The following ZNF277 variants were observed in gnomAD, a reference collection of about 807,000 sequenced individuals.
ZNF277 encodes the protein nuclear receptor-interacting factor 4.
Under a neutral mutation model 60.7 loss-of-function variants are expected in ZNF277, and 55 were observed. That is an observed-to-expected ratio of 0.91 (90% CI 0.73 to 1.13). The LOEUF (loss-of-function observed/expected upper bound fraction) is 1.13, where lower values mean the gene tolerates loss of function less well. Ranked by LOEUF, ZNF277 falls within the 50% of genes most tolerant of loss-of-function variation. ZNF277 has a pLI of 0.00. For synonymous variants in ZNF277, 178 were observed against 179.3 expected (o/e 0.99, Z 0.06); for missense variants, 510 against 523.0 (o/e 0.98, Z 0.24).
intron 4 of ZNF277, among the ~76,000 whole-genome samples, chr7:112,299,693 GA>G (rs1442504607): frequency 1.3e-5 from 2 of 152,154 alleles, no homozygotes. Context: ...ACTGCTTAAT[GA>G]TAATGGATGT....
chr7:112,268,841 T>C (rs1338961836), intron 1 of ZNF277, among the ~76,000 whole-genome samples: 1 of 152,174 alleles, frequency 6.6e-6, no homozygotes, highest in African/African-American at 2.4e-5. Context: ...TTTGGTTTCA[T>C]TGATTGCCAC....
chr7:112,264,327 C>T (rs144589915), intron 1 of ZNF277, among the ~76,000 whole-genome samples: 1 of 152,252 alleles, frequency 6.6e-6, no homozygotes, highest in East Asian at 1.9e-4. Context: ...AAGTAAACCA[C>T]ATTAAAATGT....
chr7:112,257,092 C>T (rs1024732063), intron 1 of ZNF277, among the ~76,000 whole-genome samples: 3 of 152,160 alleles, frequency 2.0e-5, no homozygotes, highest in Non-Finnish European at 4.4e-5. Flanking sequence ...AATGGGATTA[C>T]ACACTTCACT....
rs1002886566 is a variant in ZNF277 at position 112,207,228 on chromosome 7, C to T, written c.91+421C>T. Among the ~76,000 whole-genome samples the T allele has an allele frequency of 5.3e-5, 8 of 152,306 alleles. No individual in the cohort carries two copies. In the East Asian group the frequency reaches 1.4e-3, roughly 26 times the overall value. On this transcript the variant is annotated intron_variant, in intron 1 of 11. Coordinates refer to ENST00000361822, the MANE Select transcript of ZNF277 (RefSeq NM_021994.3). Reference sequence around the variant, plus strand: ...TGCCTTGGTTTGCTTGGTTTGACCTCGCAGGTGTGTTTTATTTAGCTTCCG... The same window carrying T: ...TGCCTTGGTTTGCTTGGTTTGACCTTGCAGGTGTGTTTTATTTAGCTTCCG...
chr7:112,208,874 G>T (rs930816208), intron 1 of ZNF277, among the ~76,000 whole-genome samples: 1 of 151,766 alleles, frequency 6.6e-6, no homozygotes, highest in African/African-American at 2.4e-5. Flanking sequence ...TAGAGACGGG[G>T]TTTCACCGTG....
At chr7:112,217,581 A>G (rs1355087569) in intron 1 of ZNF277, among the ~76,000 whole-genome samples, 1 of 152,190 alleles carries the variant, frequency 6.6e-6, no homozygotes, top group Non-Finnish European at 1.5e-5. Flanking sequence ...TCATTCCTGG[A>G]TATGGGCTGA....
chr7:112,275,303 A>G (rs955917517), intron 1 of ZNF277, among the ~76,000 whole-genome samples: 9 of 152,206 alleles, frequency 5.9e-5, no homozygotes, highest in Non-Finnish European at 7.3e-5. Context: ...GGCCCTATCA[A>G]AGTAAGAACT....
intron 1 of ZNF277, among the ~76,000 whole-genome samples, chr7:112,285,846 G>A (rs1195261451): frequency 6.6e-6 from 1 of 152,102 alleles, no homozygotes; most frequent in Admixed American, 6.5e-5. Context: ...AACTTTAACG[G>A]GAGAACTAAT....
chr7:112,274,760 C>G lies in ZNF277; in HGVS notation c.92-12113C>G, dbSNP rs934685806. Among the ~76,000 whole-genome samples the G allele has an allele frequency of 1.2e-4, 18 of 152,138 alleles. 1 individual carries two copies. In the South Asian group the frequency reaches 3.5e-3, roughly 30 times the overall value. Reference sequence around the variant, plus strand: ...AGACTACTATTTCCAAAGTAATACTCTGTCATATCAAATGAATTAAATTAG... The same window carrying G: ...AGACTACTATTTCCAAAGTAATACTGTGTCATATCAAATGAATTAAATTAG... On this transcript the variant is annotated intron_variant, in intron 1 of 11. Transcript: ENST00000361822.
chr7:112,237,225 G>C (rs528835655), intron 1 of ZNF277, among the ~76,000 whole-genome samples: 1 of 152,184 alleles, frequency 6.6e-6, no homozygotes, highest in Non-Finnish European at 1.5e-5. Context: ...CAGAGCAAAA[G>C]CAGCGCTAAG....
At chr7:112,281,838 A>AT (rs1212266449) in intron 1 of ZNF277, among the ~76,000 whole-genome samples, 3 of 151,770 alleles carry the variant, frequency 2.0e-5, no homozygotes, top group Non-Finnish European at 4.4e-5. Flanking sequence ...ATTTTTATTT[A>AT]TTTTTTTCTT....
At chr7:112,248,395 A>G (rs1791131071) in intron 1 of ZNF277, among the ~76,000 whole-genome samples, 1 of 151,844 alleles carries the variant, frequency 6.6e-6, no homozygotes, top group Admixed American at 6.6e-5. Flanking sequence ...AGGAAGCTCA[A>G]TTAAGGGTCA....
At chr7:112,236,055 G>T (rs2116985339) in intron 1 of ZNF277, among the ~76,000 whole-genome samples, 1 of 152,114 alleles carries the variant, frequency 6.6e-6, no homozygotes, top group South Asian at 2.1e-4. Context: ...TATATGTGGG[G>T]TTTACATCTG....
intron 5 of ZNF277, among the ~76,000 whole-genome samples, chr7:112,320,573 A>G (rs1792954436): frequency 6.6e-6 from 1 of 152,112 alleles, no homozygotes; most frequent in Non-Finnish European, 1.5e-5. Flanking sequence ...ACAGACAAGG[A>G]TAGAGTAATG....
At chr7:112,307,653 G>A (rs952210434) in intron 4 of ZNF277, among the ~76,000 whole-genome samples, 1 of 151,688 alleles carries the variant, frequency 6.6e-6, no homozygotes, top group Non-Finnish European at 1.5e-5. Context: ...GACCTCAAGT[G>A]ATCCACCCGC....
At chr7:112,322,537 T>C (rs1016398865) in intron 5 of ZNF277, among the ~76,000 whole-genome samples, 11 of 152,152 alleles carry the variant, frequency 7.2e-5, no homozygotes, top group African/African-American at 2.7e-4. Flanking sequence ...CTGGCTACTA[T>C]TGGCCACTCT....
At chr7:112,260,158 C>T (rs73195223) in intron 1 of ZNF277, among the ~76,000 whole-genome samples, 7,573 of 152,166 alleles carry the variant, frequency 0.05, 280 homozygotes, top group South Asian at 0.13. Context: ...CCTAGCTACT[C>T]AGGAGGCTGA....
intron 1 of ZNF277, among the ~76,000 whole-genome samples, chr7:112,230,483 C>A (rs1182017637): frequency 2.0e-5 from 3 of 152,208 alleles, no homozygotes; most frequent in African/African-American, 7.2e-5. Flanking sequence ...TCTCTTGCAG[C>A]TTCTCGACCA....
At chr7:112,307,416 T>C (rs1205609867) in intron 4 of ZNF277, among the ~76,000 whole-genome samples, 1 of 151,958 alleles carries the variant, frequency 6.6e-6, no homozygotes, top group Non-Finnish European at 1.5e-5. Context: ...TGAATTTATT[T>C]CTTTTTTTTG....
Sources: allele counts gnomAD v4.1 joint callset (sites outside exome capture counted in the v4.1 genomes callset), GRCh38; gene constraint gnomAD v4.1.1; transcripts MANE v1.5; gene names NCBI Gene and HGNC (gene_info 2026-07-23, HGNC 2026-07-21).